UGT2B7: variants seen among roughly 807,000 people sequenced by gnomAD.
UGT2B7 encodes the protein UDP glucuronosyltransferase family 2 member B7.
A neutral mutation model predicts 51.9 loss-of-function variants in UGT2B7; 51 were observed. That is an observed-to-expected ratio of 0.98 (90% confidence interval 0.78 to 1.24). The LOEUF (loss-of-function observed/expected upper bound fraction) is 1.24, where lower values mean the gene tolerates loss of function less well. Ranked by LOEUF, UGT2B7 falls within the 50% of genes most tolerant of loss-of-function variation. The pLI, the probability that UGT2B7 is intolerant of heterozygous loss-of-function variation, is 0.00. For synonymous variants in UGT2B7, 225 were observed against 211.6 expected (o/e 1.06, Z -0.55); for missense variants, 727 against 628.4 (o/e 1.16, Z -1.68).
chr4:69,084,990 T>C (rs571097372), intron 1 of UGT2B7, among the ~76,000 whole-genome samples: 1 of 152,296 alleles, frequency 6.6e-6, no homozygotes, highest in South Asian at 2.1e-4. Context: ...TGCCCAGTAA[T>C]GGGATTGCTG....
chr4:69,077,778 C>T (rs145772309), intron 1 of UGT2B7, among the ~76,000 whole-genome samples: 3 of 152,088 alleles, frequency 2.0e-5, no homozygotes, highest in African/African-American at 7.2e-5. Flanking sequence ...ATTTCTTTAT[C>T]TTGCCAGATT....
chr4:69,079,165 A>G (rs1182069971), intron 1 of UGT2B7, among the ~76,000 whole-genome samples: 1 of 152,116 alleles, frequency 6.6e-6, no homozygotes. Context: ...CAGCAGCAGA[A>G]TGGGTGAGGT....
chr4:69,101,439 G>A lies in UGT2B7; in HGVS notation c.871-1368G>A, dbSNP rs1282511905. On this transcript the variant is annotated intron_variant, in intron 2 of 5. Coordinates refer to ENST00000305231, the MANE Select transcript of UGT2B7 (RefSeq NM_001074.4). Reference sequence around the variant, plus strand: ...AAGAAGAAACAACCAGTCCATATCAGTGATGAATCTGTAAAGAGGCTCGAT... The same window carrying A: ...AAGAAGAAACAACCAGTCCATATCAATGATGAATCTGTAAAGAGGCTCGAT... Among the ~76,000 whole-genome samples the A allele has an allele frequency of 2.0e-5, 3 of 151,960 alleles. No homozygotes were observed. In the East Asian group the frequency reaches 5.8e-4, roughly 29 times the overall value.
intron 2 of UGT2B7, among the ~76,000 whole-genome samples, chr4:69,090,506 G>A (rs1719063071): frequency 6.6e-6 from 1 of 151,634 alleles, no homozygotes; most frequent in Non-Finnish European, 1.5e-5. Context: ...AAGGAGCAAA[G>A]GAGACATGAA....
intron 1 of UGT2B7, among the ~76,000 whole-genome samples, chr4:69,056,370 C>T (rs1413584329): frequency 2.0e-5 from 3 of 152,176 alleles, no homozygotes; most frequent in African/African-American, 4.8e-5. Context: ...TGTTCTTGCC[C>T]GTCAAGAGAC....
chr4:69,112,858 A>C lies in UGT2B7; in HGVS notation c.*122A>C. Reference sequence around the variant, plus strand: ...AGACAAAAAAAAAAAAAGAAAAAAAAATCTTTTCAAAATTTACTTTGTCAA... The same window carrying C: ...AGACAAAAAAAAAAAAAGAAAAAAACATCTTTTCAAAATTTACTTTGTCAA... On this transcript the variant is annotated 3_prime_UTR_variant, in exon 6 of 6. Coordinates refer to ENST00000305231, the MANE Select transcript of UGT2B7 (RefSeq NM_001074.4). 1 of 1,352,264 alleles carries C rather than the reference A, an allele frequency of 7.4e-7. No individual in the cohort carries two copies. 83.8% of individuals were successfully genotyped at this position (1,352,264 alleles called of 1,614,324 possible). A position where few individuals can be genotyped will look rare whatever the true frequency, so the allele number is the denominator to read the frequency against.
chr4:69,104,352 C>A (rs1356952736), intron 3 of UGT2B7, among the ~76,000 whole-genome samples: 1 of 151,964 alleles, frequency 6.6e-6, no homozygotes, highest in Admixed American at 6.6e-5. Flanking sequence ...AAGATGGAGT[C>A]TGGAAGATAT....
intron 1 of UGT2B7, among the ~76,000 whole-genome samples, chr4:69,064,307 T>C (rs547600433): frequency 2.0e-5 from 3 of 152,246 alleles, no homozygotes; most frequent in East Asian, 3.9e-4. Context: ...TCCTTCAACA[T>C]AGGGAGAAGA....
At position 69,088,091 on chromosome 4, in the gene UGT2B7, A is replaced by T. The variant is rs139905700; in HGVS notation, c.-158-1381A>T. Among the ~76,000 whole-genome samples the T allele has an allele frequency of 5.6e-3, 850 of 151,956 alleles. 5 individuals are homozygous for T. The highest frequency in any genetic ancestry group is 0.017 in the African/African-American group (692 of 41,496). On this transcript the variant is annotated intron_variant, in intron 1 of 5. Transcript: ENST00000502942. ...GAGGTAGTTTTCTTAATAATGTTTG[A>T]TACTTTCCATATGCCTACTTCACTA...
intron 5 of UGT2B7, among the ~76,000 whole-genome samples, chr4:69,109,498 A>G (rs1016558648): frequency 1.3e-5 from 2 of 152,134 alleles, no homozygotes; most frequent in African/African-American, 4.8e-5. Flanking sequence ...GGTGTTGAGA[A>G]TCTTCATACG....
chr4:69,111,837 C>G (rs1052848256), intron 5 of UGT2B7, among the ~76,000 whole-genome samples: 1 of 152,128 alleles, frequency 6.6e-6, no homozygotes, highest in African/African-American at 2.4e-5. Flanking sequence ...ATTTAAAAGC[C>G]AAACTTTCTA....
In UGT2B7 at chr4:69,112,450, C is replaced by T. The variant is rs1397475175; in HGVS notation, c.1311-7C>T. ...GCTACATTACTGTCTTTATTTTTAT[C>T]TTTCAGATATAAAGAGAATGTTATG... On this transcript the variant is annotated splice_region_variant and splice_polypyrimidine_tract_variant and intron_variant, in intron 5 of 5. Transcript: ENST00000305231. The T allele has an allele frequency of 6.2e-7, 1 of 1,609,954 alleles. No homozygotes were observed. Among genetic ancestry groups the T allele is most frequent in the Non-Finnish European group, 8.5e-7 (1 of 1,178,366 alleles).
chr4:69,067,181 T>C (rs998572283), intron 1 of UGT2B7, among the ~76,000 whole-genome samples: 1 of 152,142 alleles, frequency 6.6e-6, no homozygotes, highest in African/African-American at 2.4e-5. Flanking sequence ...TCTTCAAGTC[T>C]CAAGACACAT....
At chr4:69,111,494 G>A (rs1281480303) in intron 5 of UGT2B7, among the ~76,000 whole-genome samples, 1 of 152,032 alleles carries the variant, frequency 6.6e-6, no homozygotes, top group East Asian at 1.9e-4. Flanking sequence ...GCATTTTCAC[G>A]ATCTTTCTCA....
At chr4:69,107,558 C>T (rs1310931556) in intron 4 of UGT2B7, among the ~76,000 whole-genome samples, 14 of 151,942 alleles carry the variant, frequency 9.2e-5, no homozygotes, top group African/African-American at 3.4e-4. Flanking sequence ...ATTTCTACAA[C>T]TTTACACCTG....
At chr4:69,087,652 T>C (rs181873007) in intron 1 of UGT2B7, among the ~76,000 whole-genome samples, 1 of 152,160 alleles carries the variant, frequency 6.6e-6, no homozygotes, top group East Asian at 1.9e-4. Flanking sequence ...TTATCTTTTG[T>C]TTCGGAAAAT....
chr4:69,057,941 G>A (rs997348018), intron 1 of UGT2B7, among the ~76,000 whole-genome samples: 8 of 152,270 alleles, frequency 5.3e-5, no homozygotes, highest in South Asian at 2.1e-4. Flanking sequence ...GGTGGTGACC[G>A]GAGTCAGAGG....
At chr4:69,106,872 A>G (rs1719616461) in intron 3 of UGT2B7, among the ~76,000 whole-genome samples, 2 of 145,818 alleles carry the variant, frequency 1.4e-5, no homozygotes, top group South Asian at 4.3e-4. Flanking sequence ...TTTTTTTTTC[A>G]TATGATGGTT....
At chr4:69,080,148 T>C (rs964511460) in intron 1 of UGT2B7, among the ~76,000 whole-genome samples, 3 of 152,144 alleles carry the variant, frequency 2.0e-5, no homozygotes, top group African/African-American at 7.2e-5. Flanking sequence ...GCTAAATAAA[T>C]GACCCTGAGT....
Sources: gnomAD v4.1 joint callset for allele counts (sites outside exome capture counted in the v4.1 genomes callset) on GRCh38, gnomAD v4.1.1 for gene constraint, MANE v1.5 for transcripts, NCBI Gene and HGNC (gene_info 2026-07-23, HGNC 2026-07-21) for gene names.